NTM: variants seen among roughly 807,000 people sequenced by gnomAD.
The protein encoded by NTM is neurotrimin.
NTM carries 13 observed loss-of-function variants against 42.1 expected under a neutral mutation model. That is an observed-to-expected ratio of 0.31 (90% confidence interval 0.20 to 0.49). The LOEUF (loss-of-function observed/expected upper bound fraction) is 0.49, where lower values mean the gene tolerates loss of function less well. Ranked by LOEUF, NTM falls within the 20% of genes least tolerant of loss-of-function variation. The pLI is 0.99. For synonymous variants in NTM, 187 were observed against 179.2 expected (o/e 1.04, Z -0.35); for missense variants, 373 against 452.8 (o/e 0.82, Z 1.60).
chr11:132,302,777 T>G (rs1291445983), intron 4 of NTM, among the ~76,000 whole-genome samples: 1 of 152,168 alleles, frequency 6.6e-6, no homozygotes, highest in Non-Finnish European at 1.5e-5. Context: ...GGATTGGACA[T>G]CAGGAGGCCT....
chr11:131,773,369 C>G (rs906202570), intron 1 of NTM, among the ~76,000 whole-genome samples: 1 of 152,222 alleles, frequency 6.6e-6, no homozygotes, highest in Non-Finnish European at 1.5e-5. Context: ...TCAATACATA[C>G]AGTTGAGAGT....
chr11:131,425,242 G>A (rs932471495), intron 1 of NTM, among the ~76,000 whole-genome samples: 1 of 151,888 alleles, frequency 6.6e-6, no homozygotes, highest in Non-Finnish European at 1.5e-5. Flanking sequence ...TGGTTTAGGT[G>A]GGCTGAGAAA....
At chr11:132,064,945 A>G (rs889655327) in intron 2 of NTM, among the ~76,000 whole-genome samples, 1 of 152,136 alleles carries the variant, frequency 6.6e-6, no homozygotes, top group African/African-American at 2.4e-5. Flanking sequence ...ATCCAGCGCA[A>G]TATTATGGAT....
intron 4 of NTM, among the ~76,000 whole-genome samples, chr11:132,241,027 A>T (rs1466484276): frequency 1.3e-5 from 2 of 152,246 alleles, no homozygotes; most frequent in Non-Finnish European, 2.9e-5. Context: ...CACACAAAAA[A>T]TATTTAAAAT....
At chr11:131,769,598 G>A (rs1180883237) in intron 1 of NTM, 8 of 983,024 alleles carry the variant, frequency 8.1e-6, no homozygotes, top group Non-Finnish European at 9.7e-6. Context: ...GGATAATGCT[G>A]TCCTGCATGA....
intron 1 of NTM, among the ~76,000 whole-genome samples, chr11:131,733,153 T>C (rs1197235861): frequency 1.3e-5 from 2 of 152,200 alleles, no homozygotes; most frequent in East Asian, 3.8e-4. Context: ...GAATAACTTA[T>C]TGACAAATAT....
intron 2 of NTM, among the ~76,000 whole-genome samples, chr11:132,122,080 G>T (rs1207388487): frequency 6.6e-6 from 1 of 152,216 alleles, no homozygotes; most frequent in Non-Finnish European, 1.5e-5. Context: ...TAGGCAAAGT[G>T]CTATAGGCGC....
At chr11:132,134,687 G>A in intron 2 of NTM, among the ~76,000 whole-genome samples, 1 of 112,812 alleles carries the variant, frequency 8.9e-6, no homozygotes, top group Non-Finnish European at 1.8e-5. Flanking sequence ...CCTTTTTATG[G>A]CCGAGTAGTA....
chr11:132,164,968 A>G (rs2075028469), intron 3 of NTM, among the ~76,000 whole-genome samples: 1 of 152,138 alleles, frequency 6.6e-6, no homozygotes. Context: ...GACTCTGTCT[A>G]GACGGCTGTT....
At chr11:131,586,745 T>A (rs771896542) in intron 1 of NTM, among the ~76,000 whole-genome samples, 17 of 152,200 alleles carry the variant, frequency 1.1e-4, no homozygotes, top group Non-Finnish European at 1.5e-4. Context: ...TCTATAAGAC[T>A]CTTTTCTCCT....
At chr11:131,482,987 A>G (rs559416789) in intron 1 of NTM, among the ~76,000 whole-genome samples, 2 of 152,330 alleles carry the variant, frequency 1.3e-5, no homozygotes, top group East Asian at 1.9e-4. Flanking sequence ...AGTCTAGCTG[A>G]TGGTTATCAA....
intron 3 of NTM, among the ~76,000 whole-genome samples, chr11:132,179,018 G>A (rs1017707953): frequency 2.6e-4 from 40 of 152,018 alleles, no homozygotes; most frequent in African/African-American, 8.7e-4. Context: ...TTATTTTTCC[G>A]TTCATTTATT....
chr11:131,525,976 C>G (rs451456), intron 1 of NTM, among the ~76,000 whole-genome samples: 32,543 of 152,126 alleles, frequency 0.21, 3,741 homozygotes, highest in African/African-American at 0.3. Context: ...TCAGAAATTA[C>G]CTAGGCTGCA....
At chr11:131,724,776 G>A (rs933958085) in intron 1 of NTM, among the ~76,000 whole-genome samples, 4 of 152,176 alleles carry the variant, frequency 2.6e-5, no homozygotes, top group South Asian at 2.1e-4. Flanking sequence ...GCTGGATCTC[G>A]GGTGAAGGAC....
At chr11:132,279,418 T>C (rs1019349953) in intron 4 of NTM, among the ~76,000 whole-genome samples, 9 of 152,188 alleles carry the variant, frequency 5.9e-5, no homozygotes, top group African/African-American at 2.2e-4. Context: ...GCTCCAATCT[T>C]GCAGATGATC....
In NTM at chr11:132,003,111, C is replaced by A. The variant is rs1320995492; in HGVS notation, c.167+91463C>A. Among the ~76,000 whole-genome samples, 1 of 152,102 alleles carries A rather than the reference C, an allele frequency of 6.6e-6. No individual in the cohort carries two copies. The highest frequency in any genetic ancestry group is 1.5e-5 in the Non-Finnish European group (1 of 68,036). On this transcript the variant is annotated intron_variant, in intron 2 of 8. Transcript: ENST00000683400. This position sits in a 1 kb window ranked among gnomAD's most constrained non-coding sequence, Gnocchi z 6.0. ...TGTGTGTGTAATTGACTTTTATAGTCAATTCTGCTTATATTTCCTCCTTCA... is the reference window on the plus strand; with the variant it reads ...TGTGTGTGTAATTGACTTTTATAGTAAATTCTGCTTATATTTCCTCCTTCA...
intron 1 of NTM, among the ~76,000 whole-genome samples, chr11:131,561,997 T>C (rs2137005507): frequency 6.6e-6 from 1 of 152,350 alleles, no homozygotes; most frequent in South Asian, 2.1e-4. Flanking sequence ...TGTGATTTTA[T>C]TTTTAAGTCA....
chr11:132,125,955 G>T (rs2065764241), intron 2 of NTM, among the ~76,000 whole-genome samples: 1 of 151,638 alleles, frequency 6.6e-6, no homozygotes, highest in Non-Finnish European at 1.5e-5. Context: ...GATCAACAGG[G>T]GTCCCAGGCA....
At chr11:131,760,688 G>A (rs955341107) in intron 1 of NTM, among the ~76,000 whole-genome samples, 9 of 152,182 alleles carry the variant, frequency 5.9e-5, no homozygotes, top group Non-Finnish European at 1.0e-4. Context: ...GAGGGGCCGG[G>A]GTTCCATCTC....
Sources: allele counts gnomAD v4.1 joint callset (sites outside exome capture counted in the v4.1 genomes callset), GRCh38; gene constraint gnomAD v4.1.1; non-coding constraint Gnocchi (gnomAD v3.1); transcripts MANE v1.5; gene names NCBI Gene and HGNC (gene_info 2026-07-23, HGNC 2026-07-21).